Variants in KPNA3 observed in about 807,000 individuals in gnomAD.
The protein encoded by KPNA3 is karyopherin subunit alpha 3.
KPNA3 carries 13 observed loss-of-function variants against 73.8 expected under a neutral mutation model. The observed-to-expected ratio is 0.18, with a 90% confidence interval of 0.11 to 0.28. The LOEUF (loss-of-function observed/expected upper bound fraction) is 0.28. Ranked by LOEUF, KPNA3 falls within the 10% of genes least tolerant of loss-of-function variation. KPNA3 has a pLI of 1.00. For missense variants in KPNA3, 360 were observed against 618.1 expected, an observed-to-expected ratio of 0.58 and a Z score of 4.43; for synonymous variants, 186 against 206.9, an observed-to-expected ratio of 0.90 and a Z score of 0.87.
At chr13:49,785,437 A>G (rs1043394606) in intron 1 of KPNA3, among the ~76,000 whole-genome samples, 2 of 152,236 alleles carry the variant, frequency 1.3e-5, no homozygotes, top group Non-Finnish European at 2.9e-5. Context: ...ATGATGCCAT[A>G]AACAGAAAAA....
chr13:49,710,598 C>G (rs1369483929), intron 11 of KPNA3, among the ~76,000 whole-genome samples: 1 of 152,194 alleles, frequency 6.6e-6, no homozygotes, highest in African/African-American at 2.4e-5. Flanking sequence ...GGAAGAAGAG[C>G]AGGTTTGTGG....
chr13:49,722,830 TAAA>T (rs10693298), intron 7 of KPNA3, among the ~76,000 whole-genome samples: 3 of 79,646 alleles, frequency 3.8e-5, no homozygotes, highest in African/African-American at 1.5e-4. Flanking sequence ...TATAATCCAT[TAAA>T]AAAAAAAAAA....
At chr13:49,779,333 AG>A (rs1369030396) in intron 1 of KPNA3, among the ~76,000 whole-genome samples, 2 of 152,190 alleles carry the variant, frequency 1.3e-5, no homozygotes, top group East Asian at 3.9e-4. Flanking sequence ...ATTACCTCTT[AG>A]ACCCTTCATT....
At chr13:49,761,819 G>A (rs1209532234) in intron 1 of KPNA3, among the ~76,000 whole-genome samples, 51 of 145,448 alleles carry the variant, frequency 3.5e-4, no homozygotes, top group African/African-American at 9.5e-4. Context: ...GCCGCCCATC[G>A]TCTGAGATGT....
chr13:49,749,163 A>C (rs1472859303), intron 1 of KPNA3, among the ~76,000 whole-genome samples: 1 of 152,230 alleles, frequency 6.6e-6, no homozygotes, highest in African/African-American at 2.4e-5. Flanking sequence ...AATTCACACT[A>C]AGATATTTCT....
In KPNA3 at chr13:49,746,064, G is replaced by GAAAAA. The variant is rs398022733; in HGVS notation, c.114+880_114+884dup. 2.5e-3 allele frequency among the ~76,000 whole-genome samples: 210 copies of GAAAAA among 82,940 alleles called. 1 individual carries two copies. Among genetic ancestry groups the GAAAAA allele is most frequent in the Non-Finnish European group, 2.8e-3 (114 of 41,082 alleles). 54.4% of individuals were successfully genotyped at this position (82,940 alleles called of 152,430 possible). ...GGCGACAGAGCGAGACTCTGCATCA[G>GAAAAA]AAAAAAAAAAAAAAAAAAAAGAAAC... On this transcript the variant is annotated intron_variant, in intron 2 of 16. Coordinates refer to ENST00000261667, the MANE Select transcript of KPNA3 (RefSeq NM_002267.4).
Position 49,792,584 on chromosome 13 carries a change from GGA to G in KPNA3, c.-80_-79del. ...GGCGAATCTTGGAGCGGGAGGGGGA[GGA>G]GGGGGAGAGCGGGAGGGGGGAGGGG... is the stretch of plus-strand genomic sequence containing the variant. On this transcript the variant is annotated 5_prime_UTR_variant, in exon 1 of 17. Transcript: ENST00000261667. 1 of 748,640 alleles carries G rather than the reference GGA, an allele frequency of 1.3e-6. No individual in the cohort carries two copies. The highest frequency in any genetic ancestry group is 2.1e-6 in the Non-Finnish European group (1 of 470,650). 46.4% of individuals were successfully genotyped at this position (748,640 alleles called of 1,614,324 possible).
intron 1 of KPNA3, among the ~76,000 whole-genome samples, chr13:49,749,207 AACC>A (rs1162458764): frequency 6.6e-6 from 1 of 152,228 alleles, no homozygotes; most frequent in East Asian, 1.9e-4. Flanking sequence ...AATTCTGAAG[AACC>A]ACACTAAATT....
At position 49,700,205 on chromosome 13, in the gene KPNA3, C is replaced by T. The variant is rs1397469564; in HGVS notation, c.*1595G>A. ...GATACATATATTTGTAATGAATGCA[C>T]ACCTGCTATGTGTTGTTTATCAGTG... On this transcript the variant is annotated 3_prime_UTR_variant, in exon 17 of 17. Coordinates refer to ENST00000261667, the MANE Select transcript of KPNA3 (RefSeq NM_002267.4). The T allele has an allele frequency of 6.6e-6, 1 of 152,562 alleles. No individual in the cohort carries two copies. Among genetic ancestry groups the T allele is most frequent in the Non-Finnish European group, 1.5e-5 (1 of 68,016 alleles). The allele number at this position is 152,562 out of a possible 1,614,324, so 9.5% of individuals were successfully genotyped here.
At chr13:49,763,693 G>GGGAGGCT (rs1954786657) in intron 1 of KPNA3, among the ~76,000 whole-genome samples, 1 of 152,152 alleles carries the variant, frequency 6.6e-6, no homozygotes, top group African/African-American at 2.4e-5. Context: ...CCAGCACTTT[G>GGGAGGCT]GAGGCCTAGG....
At chr13:49,739,047 A>AT (rs1954549894) in intron 2 of KPNA3, among the ~76,000 whole-genome samples, 1 of 152,078 alleles carries the variant, frequency 6.6e-6, no homozygotes, top group Admixed American at 6.5e-5. Flanking sequence ...ATATGATCAT[A>AT]TTTTTCTTTT....
rs577206025 is a variant in KPNA3, at chr13:49,741,962, T to C, written c.114+4987A>G. Among the ~76,000 whole-genome samples, 49 of 152,348 alleles carry C rather than the reference T, an allele frequency of 3.2e-4. 2 individuals carry two copies. The South Asian group carries it at 7.9e-3, about 24-fold the overall frequency. Reference sequence around the variant, plus strand: ...TTTTGGGGTCATATCCAGGAAAACATTGCCCAGACCAGTATCATGGAGATT... The same window carrying C: ...TTTTGGGGTCATATCCAGGAAAACACTGCCCAGACCAGTATCATGGAGATT... On this transcript the variant is annotated intron_variant, in intron 2 of 16. Coordinates refer to ENST00000261667, the MANE Select transcript of KPNA3 (RefSeq NM_002267.4).
chr13:49,719,975 A>G (rs1954340126), intron 9 of KPNA3, among the ~76,000 whole-genome samples, 156 bp from the exon 10 acceptor site: 1 of 152,232 alleles, frequency 6.6e-6, no homozygotes, highest in Non-Finnish European at 1.5e-5. Context: ...AAAACCTGAT[A>G]AATTCAATCT....
chr13:49,775,665 T>TC (rs1954892222), intron 1 of KPNA3, among the ~76,000 whole-genome samples: 1 of 152,210 alleles, frequency 6.6e-6, no homozygotes, highest in Non-Finnish European at 1.5e-5. Flanking sequence ...TTCTCTGTGT[T>TC]CCCAAACTTC....
chr13:49,746,751 G>GTA (rs1244371139), intron 2 of KPNA3, among the ~76,000 whole-genome samples, 198 bp downstream of exon 2: 1 of 152,150 alleles, frequency 6.6e-6, no homozygotes, highest in Non-Finnish European at 1.5e-5. Flanking sequence ...TTTCAGTGAT[G>GTA]GTAAAGTGCT....
Position 49,757,261 on chromosome 13 carries a change from T to TA in KPNA3, c.70-10269dup, listed in dbSNP as rs61387986. The stretch of plus-strand genomic sequence containing the variant: ...GAAGATAAAAAGAGAAGCTAGAGAC[T>TA]AAAAAAAAAAAATTTGCAACCACAT... On this transcript the variant is annotated intron_variant, in intron 1 of 16. Transcript: ENST00000261667. Among the ~76,000 whole-genome samples, 147 of 147,920 alleles carry TA rather than the reference T, an allele frequency of 9.9e-4. 1 individual carries two copies. In the East Asian group the frequency reaches 0.022, roughly 22 times the overall value.
At chr13:49,763,827 G>A (rs549190012) in intron 1 of KPNA3, among the ~76,000 whole-genome samples, 2 of 152,280 alleles carry the variant, frequency 1.3e-5, no homozygotes, top group East Asian at 1.9e-4. Flanking sequence ...AGCACTTTGG[G>A]AGGCTGAGGT....
chr13:49,765,611 C>T (rs1341510800), intron 1 of KPNA3, among the ~76,000 whole-genome samples: 2 of 152,188 alleles, frequency 1.3e-5, no homozygotes, highest in East Asian at 1.9e-4. Flanking sequence ...TGCTGGGTTA[C>T]AGGCATGAGC....
At chr13:49,784,732 T>C (rs1249146032) in intron 1 of KPNA3, among the ~76,000 whole-genome samples, 1 of 152,144 alleles carries the variant, frequency 6.6e-6, no homozygotes, top group Non-Finnish European at 1.5e-5. Flanking sequence ...AGTTCAAAAA[T>C]ACACATGGGA....
Sources: allele counts gnomAD v4.1 joint callset (sites outside exome capture counted in the v4.1 genomes callset), GRCh38; gene constraint gnomAD v4.1.1; transcripts MANE v1.5; gene names NCBI Gene and HGNC (gene_info 2026-07-23, HGNC 2026-07-21).